PRICKLE1: variants seen among roughly 807,000 people sequenced by gnomAD.
The protein encoded by PRICKLE1 is prickle planar cell polarity protein 1.
A neutral mutation model predicts 70.2 loss-of-function variants in PRICKLE1; 14 were observed. The ratio of observed to expected loss-of-function variants is 0.20; its 90% CI spans 0.13 to 0.31. The LOEUF (loss-of-function observed/expected upper bound fraction) is 0.31, where lower values mean the gene tolerates loss of function less well. Among genes scored for constraint, PRICKLE1 ranks in the 10% least tolerant of loss-of-function variants. The pLI is 1.00. For synonymous variants in PRICKLE1, 357 were observed against 379.9 expected (o/e 0.94, Z 0.70); for missense variants, 821 against 1,026.2 (o/e 0.80, Z 2.73).
chr12:42,483,172 G>A (rs1938866378), intron 1 of PRICKLE1: 1 of 153,062 alleles, frequency 6.5e-6, no homozygotes, highest in Admixed American at 6.5e-5. Context: ...AGAAAGCCTC[G>A]CGCCGCTCTT....
intron 1 of PRICKLE1, among the ~76,000 whole-genome samples, chr12:42,545,342 T>C (rs987456229): frequency 6.6e-6 from 1 of 152,070 alleles, no homozygotes; most frequent in African/African-American, 2.4e-5. Flanking sequence ...ACATAGTTAG[T>C]AGGCACTGAA....
chr12:42,489,295 A>T (rs897798872), intron 1 of PRICKLE1, among the ~76,000 whole-genome samples: 2 of 152,038 alleles, frequency 1.3e-5, no homozygotes, highest in African/African-American at 4.8e-5. Context: ...TATTTGAGAC[A>T]GGGTCTCAAT....
intron 1 of PRICKLE1, among the ~76,000 whole-genome samples, chr12:42,563,558 C>T (rs944670469): frequency 1.3e-5 from 2 of 151,390 alleles, no homozygotes; most frequent in Non-Finnish European, 1.5e-5. Context: ...AAAAAATTAG[C>T]CAGGCGTGGT....
At chr12:42,481,012 A>G (rs1467347521) in intron 1 of PRICKLE1, among the ~76,000 whole-genome samples, 1 of 152,214 alleles carries the variant, frequency 6.6e-6, no homozygotes, top group Non-Finnish European at 1.5e-5. Context: ...AAGCTTACAC[A>G]TAGTGACTTG....
chr12:42,502,207 A>G (rs1939324306), intron 1 of PRICKLE1, among the ~76,000 whole-genome samples: 1 of 147,290 alleles, frequency 6.8e-6, no homozygotes, highest in Non-Finnish European at 1.5e-5. Flanking sequence ...ACACACACCT[A>G]TATATATACA....
chr12:42,578,384 T>G (rs1464637879), intron 1 of PRICKLE1, among the ~76,000 whole-genome samples: 1 of 147,348 alleles, frequency 6.8e-6, no homozygotes. Flanking sequence ...CTACCTCTAT[T>G]TTTTTTTTAA....
intron 1 of PRICKLE1, among the ~76,000 whole-genome samples, chr12:42,501,528 A>G (rs1939309124): frequency 5.9e-5 from 5 of 84,962 alleles, no homozygotes; most frequent in African/African-American, 2.7e-4. Flanking sequence ...AAAAAAAAAA[A>G]AAGAAAAGAA....
At chr12:42,573,586 T>G (rs1940757650) in intron 1 of PRICKLE1, among the ~76,000 whole-genome samples, 1 of 152,110 alleles carries the variant, frequency 6.6e-6, no homozygotes, top group South Asian at 2.1e-4. Flanking sequence ...TATTATTATT[T>G]TGGGACAGGG....
chr12:42,461,013 C>T (rs894217178), intron 7 of PRICKLE1, among the ~76,000 whole-genome samples: 3 of 152,146 alleles, frequency 2.0e-5, no homozygotes, highest in African/African-American at 7.2e-5. Flanking sequence ...TCCTGAGTAG[C>T]TGGGATTACA....
At chr12:42,556,018 TAAGC>T (rs1188722502) in intron 1 of PRICKLE1, among the ~76,000 whole-genome samples, 1 of 152,232 alleles carries the variant, frequency 6.6e-6, no homozygotes, top group African/African-American at 2.4e-5. Flanking sequence ...ACTTTGAAGG[TAAGC>T]AAACATTTAC....
At chr12:42,460,721 A>G in intron 7 of PRICKLE1, 56 bp from the exon 8 acceptor site, 1 of 1,580,248 alleles carries the variant, frequency 6.3e-7, no homozygotes, top group Non-Finnish European at 8.6e-7. Flanking sequence ...ATTCGACAGT[A>G]CTTAAAAGTA....
rs1405175743 is a variant in PRICKLE1, at chr12:42,589,711, G to C, written c.-295C>G. 3.3e-5 allele frequency: 5 copies of C among 150,568 alleles called. No homozygotes were observed. Among genetic ancestry groups the C allele is most frequent in the Non-Finnish European group, 5.9e-5 (4 of 67,542 alleles). The allele number at this position is 150,568 out of a possible 1,614,324, so 9.3% of individuals were successfully genotyped here. A position where few individuals can be genotyped will look rare whatever the true frequency, so the allele number is the denominator to read the frequency against. On this transcript the variant is annotated 5_prime_UTR_variant, in exon 1 of 8. Coordinates refer to ENST00000345127, the MANE Select transcript of PRICKLE1 (RefSeq NM_153026.3). This position sits in a 1 kb window ranked among gnomAD's most constrained non-coding sequence, Gnocchi z 5.0. ...CGCTGTCGGGCGGCGGCGGCCGCGG[G>C]AGACGGCGCTGGCAGCTGGGCTGCA... is the stretch of plus-strand genomic sequence containing the variant.
intron 1 of PRICKLE1, among the ~76,000 whole-genome samples, chr12:42,496,487 C>T (rs76856139): frequency 0.053 from 8,114 of 152,264 alleles, 623 homozygotes; most frequent in African/African-American, 0.17. Flanking sequence ...ACTAGAGAGT[C>T]AGCCTGTCTT....
Position 42,458,042 on chromosome 12 carries a change from C to G in PRICKLE1, c.*1767G>C, listed in dbSNP as rs1168130200. ...GAACTCTCTCACCATTGGTGCTTTT[C>G]TGAAGGGAATCTGTGTAGCCCAGAT... On this transcript the variant is annotated 3_prime_UTR_variant, in exon 8 of 8. Transcript: ENST00000345127. The G allele has an allele frequency of 1.3e-5, 2 of 152,344 alleles. No individual in the cohort carries two copies. The highest frequency in any genetic ancestry group is 4.8e-5 in the African/African-American group (2 of 41,574). 9.4% of individuals were successfully genotyped at this position (152,344 alleles called of 1,614,324 possible).
chr12:42,550,266 G>C (rs563339363), intron 1 of PRICKLE1: 1 of 152,442 alleles, frequency 6.6e-6, no homozygotes, highest in Non-Finnish European at 1.5e-5. Flanking sequence ...CCAGGAGGTC[G>C]AGGCTGCAGT....
At chr12:42,528,378 AAAC>A (rs1415500904) in intron 1 of PRICKLE1, among the ~76,000 whole-genome samples, 3 of 152,190 alleles carry the variant, frequency 2.0e-5, no homozygotes, top group Non-Finnish European at 4.4e-5. Flanking sequence ...CCAGCCCGAA[AAAC>A]TAACTTTTTA....
chr12:42,543,039 G>A (rs1225818379), intron 1 of PRICKLE1, among the ~76,000 whole-genome samples: 1 of 152,150 alleles, frequency 6.6e-6, no homozygotes, highest in Non-Finnish European at 1.5e-5. Flanking sequence ...AGGACACTGC[G>A]ACAGGCATCA....
At chr12:42,536,795 C>T (rs1287324500) in intron 1 of PRICKLE1, among the ~76,000 whole-genome samples, 1 of 152,166 alleles carries the variant, frequency 6.6e-6, no homozygotes, top group African/African-American at 2.4e-5. Flanking sequence ...TCCCTCTTGT[C>T]CACCCTTTCA....
chr12:42,485,813 C>T (rs750231412), intron 1 of PRICKLE1, among the ~76,000 whole-genome samples: 1 of 152,188 alleles, frequency 6.6e-6, no homozygotes, highest in African/African-American at 2.4e-5. Context: ...AATGTGCTTC[C>T]TCTAACGCAG....
Sources: gnomAD v4.1 joint callset for allele counts (sites outside exome capture counted in the v4.1 genomes callset) on GRCh38, gnomAD v4.1.1 for gene constraint, Gnocchi (gnomAD v3.1) non-coding constraint, MANE v1.5 for transcripts, NCBI Gene and HGNC (gene_info 2026-07-23, HGNC 2026-07-21) for gene names.